CNST: variants seen among roughly 807,000 people sequenced by gnomAD.
The protein encoded by CNST is consortin, connexin sorting protein.
In CNST, 39 loss-of-function variants were observed where a neutral mutation model predicts 72.4. That is an observed-to-expected ratio of 0.54 (90% CI 0.42 to 0.70). The LOEUF (loss-of-function observed/expected upper bound fraction) is 0.70. Ranked by LOEUF, CNST falls within the 30% of genes least tolerant of loss-of-function variation. The probability of loss-of-function intolerance (pLI) is 0.00; values close to 1 mark genes in which losing one functional copy is unlikely to be tolerated. For missense variants in CNST, 871 were observed against 868.5 expected, an observed-to-expected ratio of 1.00 and a Z score of -0.04; for synonymous variants, 332 against 320.1, an observed-to-expected ratio of 1.04 and a Z score of -0.40.
chr1:246,660,013 GT>G (rs1667000479), intron 9 of CNST, among the ~76,000 whole-genome samples, 185 bp from the exon 10 acceptor site: 1 of 152,166 alleles, frequency 6.6e-6, no homozygotes, highest in African/African-American at 2.4e-5. Flanking sequence ...GGACTTTTGT[GT>G]TTCTCAGTCA....
chr1:246,628,933 T>A (rs76435404), intron 3 of CNST, among the ~76,000 whole-genome samples: 3,018 of 152,348 alleles, frequency 0.02, 101 homozygotes, highest in African/African-American at 0.068. Flanking sequence ...TTGCAATTCA[T>A]TCCAAATCAG....
Position 246,665,820 on chromosome 1 carries a change from C to T in CNST, c.2093C>T (p.Thr698Ile), listed in dbSNP as rs1667367889. The T allele has an allele frequency of 4.3e-6, 7 of 1,613,970 alleles. No homozygotes were observed. Among genetic ancestry groups the T allele is most frequent in the South Asian group, 1.1e-5 (1 of 91,078 alleles). ...GGTGACATGGAGTCACCTGTTTGTA[C>T]TGACTTTGCAGACAACATGGACTTC... is the stretch of plus-strand genomic sequence containing the variant. ...TFGDMESPVC[T>I]DFADNMDFYY... is the part of the protein sequence containing the mutation. Residue 698 changes from threonine (T) to isoleucine (I), a missense_variant, in exon 11 of 11, where the codon ACT becomes ATT. Coordinates refer to ENST00000366513, the MANE Select transcript of CNST (RefSeq NM_152609.3).
intron 1 of CNST, among the ~76,000 whole-genome samples, chr1:246,577,322 A>G (rs541863508): frequency 9.2e-5 from 14 of 152,064 alleles, no homozygotes; most frequent in African/African-American, 2.4e-4. Flanking sequence ...CTCCCTTTAT[A>G]GCCTCTTCCT....
chr1:246,648,216 C>G, intron 9 of CNST, 179 bp downstream of exon 9: 1 of 1,388,650 alleles, frequency 7.2e-7, no homozygotes, highest in Non-Finnish European at 9.3e-7. Flanking sequence ...AATAAAATGA[C>G]TTTTAATCAT....
At chr1:246,589,503 C>T (rs1386436127) in intron 1 of CNST, among the ~76,000 whole-genome samples, 1 of 151,920 alleles carries the variant, frequency 6.6e-6, no homozygotes, top group Non-Finnish European at 1.5e-5. Flanking sequence ...TTTTCTTAAT[C>T]CAGTCTATCA....
chr1:246,650,179 G>A (rs1330856844), intron 9 of CNST, among the ~76,000 whole-genome samples: 1 of 152,098 alleles, frequency 6.6e-6, no homozygotes, highest in Non-Finnish European at 1.5e-5. Flanking sequence ...ACAATTAAAT[G>A]GAATATTCCC....
chr1:246,571,507 T>C (rs975730052), intron 1 of CNST, among the ~76,000 whole-genome samples: 8 of 152,194 alleles, frequency 5.3e-5, no homozygotes, highest in Non-Finnish European at 1.0e-4. Context: ...AGATGGAAAC[T>C]TTTTGCCATT....
At chr1:246,641,895 C>A (rs184541472) in intron 7 of CNST, 46 bp from the exon 8 acceptor site, 3 of 1,479,340 alleles carry the variant, frequency 2.0e-6, no homozygotes, top group Non-Finnish European at 2.8e-6. Context: ...TAGTTTAATA[C>A]AACAGTTTCC....
chr1:246,652,031 G>A (rs961072718), intron 9 of CNST, among the ~76,000 whole-genome samples: 3 of 152,170 alleles, frequency 2.0e-5, no homozygotes, highest in African/African-American at 7.2e-5. Context: ...GGCACCAAGT[G>A]TGTTGTCTTT....
intron 3 of CNST, among the ~76,000 whole-genome samples, chr1:246,625,494 C>T (rs1274156244): frequency 2.7e-5 from 4 of 145,690 alleles, no homozygotes; most frequent in East Asian, 2.0e-4. Context: ...TGATCTTGGC[C>T]CACTGTAACC....
In CNST at chr1:246,660,307, C is replaced by T. The variant is rs1455267249; in HGVS notation, c.1945C>T (p.Gln649Ter). 2.7e-5 allele frequency: 44 copies of T among 1,613,980 alleles called. No homozygotes were observed. Among genetic ancestry groups the T allele is most frequent in the Non-Finnish European group, 3.6e-5 (43 of 1,179,966 alleles). The change falls in exon 10 of 11, where the codon CAA (glutamine) becomes TAA (stop). Residue 649 changes from glutamine to a stop codon, truncating the protein, a stop_gained. Transcript: ENST00000366513. LOFTEE classifies it high-confidence loss of function. ...ACCATCTAAGCGAAGAGTGAGATTC[C>T]AAGAAATAGACGATAGCTTGGATCA... The part of the protein sequence containing the change: ...HKPSKRRVRF[Q>*]EIDDSLDQDE...
At chr1:246,631,025 C>T (rs139572754) in intron 3 of CNST, among the ~76,000 whole-genome samples, 2,768 of 152,172 alleles carry the variant, frequency 0.018, 88 homozygotes, top group African/African-American at 0.063. Context: ...GGATTACAGG[C>T]GTGAGCCACC....
chr1:246,634,191 T>C, intron 5 of CNST, 181 bp downstream of exon 5: 1 of 565,834 alleles, frequency 1.8e-6, no homozygotes, highest in Non-Finnish European at 3.1e-6. Context: ...AAGACTTTTT[T>C]CTTTGTATTT....
chr1:246,620,611 A>G (rs1177572332), intron 2 of CNST, among the ~76,000 whole-genome samples: 1 of 143,908 alleles, frequency 6.9e-6, no homozygotes, highest in African/African-American at 2.6e-5. Context: ...TCGTGCATAC[A>G]CACGATGGGC....
intron 1 of CNST, among the ~76,000 whole-genome samples, chr1:246,582,232 A>C (rs1237504361): frequency 1.3e-5 from 2 of 152,080 alleles, no homozygotes; most frequent in Non-Finnish European, 1.5e-5. Flanking sequence ...ACTGTATTCT[A>C]TCTCTCACCA....
rs56730668 is a variant in CNST, at chr1:246,585,666, TACACACACACACACACAC to T, written c.-51-5817_-51-5800del. On this transcript the variant is annotated intron_variant, in intron 1 of 10. Coordinates refer to ENST00000366513, the MANE Select transcript of CNST (RefSeq NM_152609.3). ...CAAAAAAAAAAAAAAAAAAAAAATA[TACACACACACACACACAC>T]ACACACACACACACACACACACACA... Among the ~76,000 whole-genome samples, 745 of 101,598 alleles carry T rather than the reference TACACACACACACACACAC, an allele frequency of 7.3e-3. 31 individuals carry two copies. The highest frequency in any genetic ancestry group is 0.028 in the African/African-American group (697 of 25,060). The allele number at this position is 101,598 out of a possible 152,430, so 66.7% of individuals were successfully genotyped here.
intron 1 of CNST, among the ~76,000 whole-genome samples, chr1:246,585,615 C>T (rs1168339475): frequency 7.1e-6 from 1 of 141,586 alleles, no homozygotes; most frequent in Non-Finnish European, 1.5e-5. Context: ...CACTGCCTTC[C>T]AGCCTGGGCA....
At chr1:246,598,890 G>T (rs561973774) in intron 2 of CNST, among the ~76,000 whole-genome samples, 16 of 152,296 alleles carry the variant, frequency 1.1e-4, no homozygotes, top group Middle Eastern at 3.4e-3. Flanking sequence ...ACTCCCTTAG[G>T]AGTACATACC....
At chr1:246,632,449 C>A (rs1664836106) in intron 4 of CNST, 2 of 205,232 alleles carry the variant, frequency 9.7e-6, no homozygotes, top group African/African-American at 2.4e-5. Context: ...CATTTTACGA[C>A]ATAGGGCAGG....
Sources: allele counts gnomAD v4.1 joint callset (sites outside exome capture counted in the v4.1 genomes callset), GRCh38; gene constraint gnomAD v4.1.1; transcripts MANE v1.5; gene names NCBI Gene and HGNC (gene_info 2026-07-23, HGNC 2026-07-21).